Variants in CYP39A1 observed in about 807,000 individuals in gnomAD.
CYP39A1 encodes 24-hydroxycholesterol 7-alpha-hydroxylase.
A neutral mutation model predicts 58.1 loss-of-function variants in CYP39A1; 49 were observed. The observed-to-expected ratio is 0.84, with a 90% CI of 0.67 to 1.07. The LOEUF (loss-of-function observed/expected upper bound fraction) is 1.07. Ranked by LOEUF, CYP39A1 falls within the 50% of genes least tolerant of loss-of-function variation. The probability of loss-of-function intolerance (pLI) is 0.00; values close to 1 mark genes in which losing one functional copy is unlikely to be tolerated. For synonymous variants in CYP39A1, 209 were observed against 187.6 expected (o/e 1.11, Z -0.93); for missense variants, 531 against 539.4 (o/e 0.98, Z 0.16).
intron 7 of CYP39A1, among the ~76,000 whole-genome samples, chr6:46,601,286 T>C (rs539638027): frequency 1.3e-5 from 2 of 152,206 alleles, no homozygotes; most frequent in Non-Finnish European, 2.9e-5. Context: ...AAGCCGTGAA[T>C]ATTTCTCACC....
At chr6:46,628,782 C>A (rs544269355) in intron 6 of CYP39A1, among the ~76,000 whole-genome samples, 1 of 152,174 alleles carries the variant, frequency 6.6e-6, no homozygotes, top group East Asian at 1.9e-4. Context: ...TATTCCCACT[C>A]TGGGGCCTTT....
intron 5 of CYP39A1, 122 bp from the exon 6 acceptor site, chr6:46,631,192 T>C: frequency 1.2e-6 from 1 of 808,764 alleles, no homozygotes; most frequent in South Asian, 1.7e-5. Flanking sequence ...TCCCAGGTTT[T>C]GCAGTTTGAG....
At chr6:46,643,120 A>C (rs1157665322) in intron 1 of CYP39A1, among the ~76,000 whole-genome samples, 1 of 152,178 alleles carries the variant, frequency 6.6e-6, no homozygotes, top group East Asian at 1.9e-4. Context: ...ACTGTAGCAC[A>C]GGGTTTGATA....
intron 1 of CYP39A1, among the ~76,000 whole-genome samples, chr6:46,648,503 G>C (rs1762468151): frequency 8.7e-6 from 1 of 114,812 alleles, no homozygotes; most frequent in Non-Finnish European, 1.7e-5. Flanking sequence ...CACACACCGG[G>C]GCCTGTTGTT....
chr6:46,652,652 T>G lies in CYP39A1; in HGVS notation c.-70A>C. 6.9e-7 allele frequency: 1 copy of G among 1,439,432 alleles called. No homozygotes were observed. Among genetic ancestry groups the G allele is most frequent in the Non-Finnish European group, 9.3e-7 (1 of 1,078,806 alleles). The allele number at this position is 1,439,432 out of a possible 1,614,324, so 89.2% of individuals were successfully genotyped here. A position where few individuals can be genotyped will look rare whatever the true frequency, so the allele number is the denominator to read the frequency against. On this transcript the variant is annotated 5_prime_UTR_variant, in exon 1 of 12. Transcript: ENST00000275016. ...CCTGCCGTCCCTTGCTTCTTTTCTG[T>G]GGGCTACGGAACCTGTCGGGACTCC...
At chr6:46,632,549 T>C (rs1346024634) in intron 5 of CYP39A1, among the ~76,000 whole-genome samples, 9 of 152,072 alleles carry the variant, frequency 5.9e-5, no homozygotes, top group Non-Finnish European at 8.8e-5. Context: ...TTATAGATTA[T>C]TTCATCACCC....
chr6:46,610,177 G>A (rs1268273468), intron 7 of CYP39A1, among the ~76,000 whole-genome samples: 1 of 152,178 alleles, frequency 6.6e-6, no homozygotes, highest in African/African-American at 2.4e-5. Context: ...TGAAAGAGAA[G>A]ATTATAAAGT....
chr6:46,632,933 C>G (rs1046389928), intron 5 of CYP39A1, among the ~76,000 whole-genome samples: 3 of 151,910 alleles, frequency 2.0e-5, no homozygotes, highest in Admixed American at 6.5e-5. Context: ...AAAAAAAAAA[C>G]TATTCAATCA....
chr6:46,620,581 G>A (rs182953874), intron 7 of CYP39A1, among the ~76,000 whole-genome samples: 3 of 152,232 alleles, frequency 2.0e-5, no homozygotes, highest in Admixed American at 1.3e-4. Context: ...GAATTTAGAA[G>A]GGCATCCATT....
chr6:46,625,483 A>G lies in CYP39A1; in HGVS notation c.866T>C (p.Val289Ala), dbSNP rs1323560988. 1 of 1,611,138 alleles carries G rather than the reference A, an allele frequency of 6.2e-7. No individual in the cohort carries two copies. Among genetic ancestry groups the G allele is most frequent in the Admixed American group, 1.7e-5 (1 of 59,878 alleles). The stretch of plus-strand genomic sequence containing the variant: ...CTTGTGGATATCAGGATGAGAAAGG[A>G]CGTATGCAAGTGTCCAAAATGCAAC... ...VPVAFWTLAY[V>A]LSHPDIHKAI... The change falls in exon 7 of 12, where the codon GTC becomes GCC. Residue 289 changes from valine (V) to alanine (A), a missense_variant. Val to Ala is a moderately conservative substitution (Grantham distance 64). Coordinates refer to ENST00000275016, the MANE Select transcript of CYP39A1 (RefSeq NM_016593.5).
chr6:46,550,274 G>A lies in CYP39A1; in HGVS notation c.*92C>T, dbSNP rs144734642. ...CTAAGTCCTAAAACAAAGTGAAGCA[G>A]TGTGTTTTTGTAGAGCTCAGGTCTA... is the stretch of plus-strand genomic sequence containing the variant. On this transcript the variant is annotated 3_prime_UTR_variant, in exon 12 of 12. Transcript: ENST00000275016. The A allele has an allele frequency of 4.3e-4, 401 of 935,822 alleles. 5 individuals are homozygous for A. The East Asian group carries it at 8.7e-3, about 20-fold the overall frequency. The allele number at this position is 935,822 out of a possible 1,614,324, so 58.0% of individuals were successfully genotyped here. A position where few individuals can be genotyped will look rare whatever the true frequency, so the allele number is the denominator to read the frequency against.
intron 7 of CYP39A1, among the ~76,000 whole-genome samples, chr6:46,600,321 A>G (rs1319464696): frequency 6.6e-6 from 1 of 151,954 alleles, no homozygotes; most frequent in African/African-American, 2.4e-5. Flanking sequence ...GGGTGTTGCC[A>G]TGTTGGCCAG....
chr6:46,598,527 T>A (rs990203303), intron 7 of CYP39A1, among the ~76,000 whole-genome samples: 2 of 152,162 alleles, frequency 1.3e-5, no homozygotes, highest in African/African-American at 4.8e-5. Flanking sequence ...TTTACTTAGT[T>A]TACATTTTCC....
At chr6:46,622,390 A>G (rs565075674) in intron 7 of CYP39A1, among the ~76,000 whole-genome samples, 1 of 152,096 alleles carries the variant, frequency 6.6e-6, no homozygotes, top group Non-Finnish European at 1.5e-5. Flanking sequence ...CATGCACACA[A>G]ACTTATAGCT....
At chr6:46,608,936 A>C (rs1338704671) in intron 7 of CYP39A1, among the ~76,000 whole-genome samples, 1 of 152,122 alleles carries the variant, frequency 6.6e-6, no homozygotes, top group Non-Finnish European at 1.5e-5. Context: ...TATAACAGTT[A>C]TTTATAGATA....
chr6:46,587,209 A>T, intron 9 of CYP39A1, 44 bp from the exon 10 acceptor site: 3 of 1,256,194 alleles, frequency 2.4e-6, no homozygotes, highest in Non-Finnish European at 3.4e-6. Flanking sequence ...GCCTTATATA[A>T]ATAAGCTTAA....
intron 7 of CYP39A1, among the ~76,000 whole-genome samples, chr6:46,600,213 C>T (rs1048536545): frequency 1.3e-5 from 2 of 152,018 alleles, no homozygotes; most frequent in Admixed American, 6.6e-5. Context: ...ACTACAACCT[C>T]TGACTCCCAG....
chr6:46,649,680 C>A (rs1179289675), intron 1 of CYP39A1, among the ~76,000 whole-genome samples: 2 of 151,992 alleles, frequency 1.3e-5, no homozygotes, highest in Admixed American at 6.6e-5. Context: ...GTTAAAGAAA[C>A]TATGAAACAA....
intron 7 of CYP39A1, among the ~76,000 whole-genome samples, chr6:46,597,428 G>A (rs1470246967): frequency 1.3e-5 from 2 of 151,992 alleles, no homozygotes; most frequent in African/African-American, 4.8e-5. Flanking sequence ...CACAGCTAAG[G>A]TAGTTTAAAG....
Sources: allele counts gnomAD v4.1 joint callset (sites outside exome capture counted in the v4.1 genomes callset), GRCh38; gene constraint gnomAD v4.1.1; transcripts MANE v1.5; gene names NCBI Gene and HGNC (gene_info 2026-07-23, HGNC 2026-07-21).